The following CHORDC1 variants were observed in gnomAD, a reference collection of about 807,000 sequenced individuals.
The protein encoded by CHORDC1 is cysteine and histidine-rich domain-containing protein 1.
CHORDC1 carries 25 observed loss-of-function variants against 48.3 expected under a neutral mutation model. The observed-to-expected ratio is 0.52, with a 90% CI of 0.38 to 0.72. CHORDC1 has a LOEUF of 0.72. Ranked by LOEUF, CHORDC1 falls within the 30% of genes least tolerant of loss-of-function variation. The pLI is 0.00. For missense variants in CHORDC1, 317 were observed against 388.7 expected, an observed-to-expected ratio of 0.82 and a Z score of 1.55; for synonymous variants, 128 against 126.4, an observed-to-expected ratio of 1.01 and a Z score of -0.09.
At chr11:90,219,990 T>A (rs1222878717) in intron 1 of CHORDC1, among the ~76,000 whole-genome samples, 1 of 152,232 alleles carries the variant, frequency 6.6e-6, no homozygotes. Flanking sequence ...CAACTCTGAA[T>A]GTAGCCCAAC....
intron 1 of CHORDC1, among the ~76,000 whole-genome samples, chr11:90,221,618 CT>C (rs543854083): frequency 1.3e-3 from 197 of 152,294 alleles, no homozygotes; most frequent in African/African-American, 4.6e-3. Context: ...TTTACATAGG[CT>C]GCCAACACCA....
chr11:90,215,646 T>C (rs960915518), intron 2 of CHORDC1, among the ~76,000 whole-genome samples: 2 of 146,202 alleles, frequency 1.4e-5, no homozygotes, highest in Admixed American at 7.0e-5. Context: ...TAGTTAATTT[T>C]AATTTCACAA....
rs1289601832 is a variant in CHORDC1, at chr11:90,218,244, C to T, written c.65-60G>A. 2.4e-6 allele frequency: 3 copies of T among 1,228,376 alleles called. No individual in the cohort carries two copies. In the East Asian group the frequency reaches 7.7e-5, roughly 32 times the overall value. The allele number at this position is 1,228,376 out of a possible 1,614,324, so 76.1% of individuals were successfully genotyped here. On this transcript the variant is annotated intron_variant, in intron 1 of 10. Transcript: ENST00000320585. ...TCTTTATAATGAAGAAAAATATATACATGATCATCTCCTTAAGGTGTTAAC... is the reference window on the plus strand; with the variant it reads ...TCTTTATAATGAAGAAAAATATATATATGATCATCTCCTTAAGGTGTTAAC...
chr11:90,206,496 T>G (rs1341548032), intron 6 of CHORDC1: 6 of 456,546 alleles, frequency 1.3e-5, no homozygotes, highest in Non-Finnish European at 2.4e-5. Context: ...CATATTAAGA[T>G]GCTTTCAGCC....
chr11:90,201,142 G>A lies in CHORDC1; in HGVS notation c.*1263C>T, dbSNP rs1431564194. ...TTTTATTCACGAAAATAGTACTTCT[G>A]CAAATTTTTCTTTGTAAGAATTCCA... On this transcript the variant is annotated 3_prime_UTR_variant, in exon 11 of 11. Transcript: ENST00000320585. The A allele has an allele frequency of 6.6e-6, 1 of 151,896 alleles. No individual in the cohort carries two copies. The highest frequency in any genetic ancestry group is 1.5e-5 in the Non-Finnish European group (1 of 67,834). The allele number at this position is 151,896 out of a possible 1,614,324, so 9.4% of individuals were successfully genotyped here.
At chr11:90,221,113 G>C (rs1426440811) in intron 1 of CHORDC1, among the ~76,000 whole-genome samples, 1 of 151,894 alleles carries the variant, frequency 6.6e-6, no homozygotes, top group Non-Finnish European at 1.5e-5. Flanking sequence ...ATTTAGTGTA[G>C]ATTAAGAAAT....
At chr11:90,219,835 G>T (rs1858120310) in intron 1 of CHORDC1, among the ~76,000 whole-genome samples, 3 of 152,108 alleles carry the variant, frequency 2.0e-5, no homozygotes, top group Non-Finnish European at 4.4e-5. Context: ...TCAGCAATTT[G>T]CAAGATGGAG....
Position 90,203,418 on chromosome 11 carries a change from C to T in CHORDC1, c.679G>A (p.Val227Ile), listed in dbSNP as rs1426000635. 2 of 1,553,592 alleles carry T rather than the reference C, an allele frequency of 1.3e-6. No homozygotes were observed. Among genetic ancestry groups the T allele is most frequent in the Non-Finnish European group, 1.8e-6 (2 of 1,137,896 alleles). ...MWTKKDAGKK[V>I]VPCRHDWHQT... is the part of the protein sequence containing the mutation. ...TGCCAGTCATGTCTACATGGAACAACTTTTTTCCCCTGTAATGTAAGAGAA... is the reference window on the plus strand; with the variant it reads ...TGCCAGTCATGTCTACATGGAACAATTTTTTTCCCCTGTAATGTAAGAGAA... Residue 227 changes from valine to isoleucine, a missense_variant, in exon 9 of 11, where the codon GTT (valine) becomes ATT (isoleucine). Physicochemically the swap from Val to Ile is conservative, Grantham distance 29. Transcript: ENST00000320585.
chr11:90,220,965 C>G (rs979713606), intron 1 of CHORDC1, among the ~76,000 whole-genome samples: 19 of 151,752 alleles, frequency 1.3e-4, no homozygotes, highest in African/African-American at 3.6e-4. Context: ...CCTTAAACAC[C>G]CTTTAACTTC....
intron 5 of CHORDC1, 55 bp from the exon 6 acceptor site, chr11:90,210,649 G>T: frequency 1.8e-6 from 2 of 1,137,714 alleles, no homozygotes; most frequent in Non-Finnish European, 2.6e-6. Context: ...CTTCGCTGTG[G>T]CATCATTCTT....
intron 9 of CHORDC1, among the ~76,000 whole-genome samples, chr11:90,203,094 T>TAC (rs761463287): frequency 9.2e-5 from 14 of 152,166 alleles, no homozygotes; most frequent in Non-Finnish European, 1.8e-4. Context: ...ATAAATCTAC[T>TAC]ACAGTATCTC....
chr11:90,202,212 C>G lies in CHORDC1; in HGVS notation c.*193G>C, dbSNP rs1157322684. ...CAGTAGGGAGAAATGAATAATCAAT[C>G]TTACATAACACAAAAGAAAGATGAG... On this transcript the variant is annotated 3_prime_UTR_variant, in exon 11 of 11. Transcript: ENST00000320585. 5.2e-6 allele frequency: 3 copies of G among 579,126 alleles called. No individual in the cohort carries two copies. In the African/African-American group the frequency reaches 5.7e-5, roughly 11 times the overall value. The allele number at this position is 579,126 out of a possible 1,614,324, so 35.9% of individuals were successfully genotyped here. A position where few individuals can be genotyped will look rare whatever the true frequency, so the allele number is the denominator to read the frequency against.
At chr11:90,208,153 G>A (rs911652772) in intron 6 of CHORDC1, 6 of 152,114 alleles carry the variant, frequency 3.9e-5, no homozygotes, top group African/African-American at 9.7e-5. Context: ...ATAATAGGCC[G>A]GCTGCGGTGG....
chr11:90,207,183 T>C (rs1857720010), intron 6 of CHORDC1: 1 of 161,726 alleles, frequency 6.2e-6, no homozygotes, highest in South Asian at 1.6e-4. Context: ...GACTTGAATA[T>C]ATTAATTTGT....
intron 6 of CHORDC1, chr11:90,207,915 T>A (rs528677983): frequency 3.9e-5 from 6 of 151,980 alleles, no homozygotes; most frequent in African/African-American, 7.2e-5. Context: ...GCTAAAGATA[T>A]ACAGGTGGGC....
chr11:90,220,846 T>C (rs1472968773), intron 1 of CHORDC1, among the ~76,000 whole-genome samples: 3 of 152,188 alleles, frequency 2.0e-5, no homozygotes, highest in Non-Finnish European at 4.4e-5. Context: ...TACTCGCTAG[T>C]AGTTCCTTCA....
In CHORDC1 at chr11:90,216,102, C is replaced by T. The variant is rs189582941; in HGVS notation, c.115-872G>A. The stretch of plus-strand genomic sequence containing the variant: ...TTTGAAATTTAATTATCTTTTACTC[C>T]GAATTGAGATGTAGATCAATTACTA... On this transcript the variant is annotated intron_variant, in intron 2 of 10. Coordinates refer to ENST00000320585, the MANE Select transcript of CHORDC1 (RefSeq NM_012124.3). Among the ~76,000 whole-genome samples the T allele has an allele frequency of 1.1e-4, 16 of 151,920 alleles. No homozygotes were observed. The East Asian group carries it at 2.5e-3, about 24-fold the overall frequency.
chr11:90,223,010 C>T lies in CHORDC1; in HGVS notation c.-56G>A. Reference sequence around the variant, plus strand: ...AAACACCGGGAACGGCAAGAGGATGCGTTTGCCACTCCCGTGTCGCTAGCA... The same window carrying T: ...AAACACCGGGAACGGCAAGAGGATGTGTTTGCCACTCCCGTGTCGCTAGCA... On this transcript the variant is annotated 5_prime_UTR_variant, in exon 1 of 11. Coordinates refer to ENST00000320585, the MANE Select transcript of CHORDC1 (RefSeq NM_012124.3). 6.9e-7 allele frequency: 1 copy of T among 1,451,466 alleles called. No individual in the cohort carries two copies. The highest frequency in any genetic ancestry group is 9.7e-7 in the Non-Finnish European group (1 of 1,034,354). 89.9% of individuals were successfully genotyped at this position (1,451,466 alleles called of 1,614,324 possible).
At chr11:90,221,157 G>A (rs900188993) in intron 1 of CHORDC1, among the ~76,000 whole-genome samples, 11 of 151,574 alleles carry the variant, frequency 7.3e-5, no homozygotes, top group African/African-American at 1.9e-4. Flanking sequence ...TCTGGCTTAC[G>A]CAAAATGGAA....
Sources: gnomAD v4.1 joint callset for allele counts (sites outside exome capture counted in the v4.1 genomes callset) on GRCh38, gnomAD v4.1.1 for gene constraint, MANE v1.5 for transcripts, NCBI Gene and HGNC (gene_info 2026-07-23, HGNC 2026-07-21) for gene names.